The following POM121L12 variants were observed in gnomAD, a reference collection of about 807,000 sequenced individuals.
POM121L12 encodes POM121 transmembrane nucleoporin like 12, also known as POM121-like protein 12.
For missense variants in POM121L12, 553 were observed against 409.2 expected (o/e 1.35, Z -3.03); for synonymous variants, 251 against 179.2 (o/e 1.40, Z -3.20).
At position 53,035,787 on chromosome 7, in the gene POM121L12, C is replaced by G. The variant is rs199966859; in HGVS notation, c.116C>G (p.Thr39Arg). The G allele has an allele frequency of 8.1e-6, 13 of 1,613,696 alleles. No individual in the cohort carries two copies. The highest frequency in any genetic ancestry group is 2.2e-5 in the East Asian group (1 of 44,828). ...GCTCCCATGAGCAGGTCACCCAGCA[C>G]GCCCCAGACCACGCCATCTCCCCAG... ...LAAPMSRSPS[T>R]PQTTPSPQGR... Residue 39 changes from threonine to arginine, a missense_variant, in exon 1 of 1, where the codon ACG (threonine) becomes AGG (arginine). Coordinates refer to ENST00000408890, the MANE Select transcript of POM121L12 (RefSeq NM_182595.4).
chr7:53,036,840 T>C lies in POM121L12; in HGVS notation c.*278T>C, dbSNP rs1787572714. Reference sequence around the variant, plus strand: ...AAAGAGGCATTTCGGGAAGGCTTGCTTTTTCTCCATGTCTCCCAGTTTGTA... The same window carrying C: ...AAAGAGGCATTTCGGGAAGGCTTGCCTTTTCTCCATGTCTCCCAGTTTGTA... On this transcript the variant is annotated 3_prime_UTR_variant, in exon 1 of 1. Coordinates refer to ENST00000408890, the MANE Select transcript of POM121L12 (RefSeq NM_182595.4). 1 of 439,834 alleles carries C rather than the reference T, an allele frequency of 2.3e-6. No individual in the cohort carries two copies. The highest frequency in any genetic ancestry group is 2.0e-5 in the African/African-American group (1 of 50,598). 27.2% of individuals were successfully genotyped at this position (439,834 alleles called of 1,614,324 possible).
In POM121L12 at chr7:53,036,516, C is replaced by T. The variant is rs752224659; in HGVS notation, c.845C>T (p.Ser282Phe). Reference sequence around the variant, plus strand: ...TCCTGCGGCAGCTGCAGTAGGGTCTCCTTCGCCCTCGAGGTCACCCAGTCT... The same window carrying T: ...TCCTGCGGCAGCTGCAGTAGGGTCTTCTTCGCCCTCGAGGTCACCCAGTCT... ...TPSCGSCSRV[S>F]FALEVTQSAG... Residue 282 changes from serine (S) to phenylalanine (F), a missense_variant, in exon 1 of 1, where the codon TCC (serine) becomes TTC (phenylalanine). Transcript: ENST00000408890. 3 of 1,613,602 alleles carry T rather than the reference C, an allele frequency of 1.9e-6. No homozygotes were observed. The highest frequency in any genetic ancestry group is 2.5e-6 in the Non-Finnish European group (3 of 1,179,898).
In POM121L12 at chr7:53,035,922, A is replaced by G; in HGVS notation, c.251A>G (p.Gln84Arg). ...CACCTCATCGAGGTGCGGCCCACCC[A>G]GGACCCCGCCAAGCCGCAGCGGGTG... ...STHLIEVRPT[Q>R]DPAKPQRVVS... Residue 84 changes from glutamine (Q) to arginine (R), a missense_variant, in exon 1 of 1, where the codon CAG becomes CGG. Gln to Arg is a conservative substitution (Grantham distance 43). Transcript: ENST00000408890. 1 of 1,612,628 alleles carries G rather than the reference A, an allele frequency of 6.2e-7. No individual in the cohort carries two copies. Among genetic ancestry groups the G allele is most frequent in the Non-Finnish European group, 8.5e-7 (1 of 1,179,634 alleles).
chr7:53,036,346 G>T lies in POM121L12; in HGVS notation c.675G>T (p.Ala225=), dbSNP rs114283332. 25 of 1,613,964 alleles carry T rather than the reference G, an allele frequency of 1.5e-5. No individual in the cohort carries two copies. Among genetic ancestry groups the T allele is most frequent in the Non-Finnish European group, 2.0e-5 (24 of 1,179,996 alleles). ...SAFKPLSKNG[A]VASFVPRPGP... Reference sequence around the variant, plus strand: ...TCAAGCCCCTGAGCAAAAATGGAGCGGTTGCTTCCTTCGTGCCCAGGCCAG... The same window carrying T: ...TCAAGCCCCTGAGCAAAAATGGAGCTGTTGCTTCCTTCGTGCCCAGGCCAG... The change falls in exon 1 of 1, where the codon GCG becomes GCT. Residue 225 remains alanine (A), a synonymous_variant. Transcript: ENST00000408890.
In POM121L12 at chr7:53,035,661, G is replaced by GT. The variant is rs772797413; in HGVS notation, c.-10dup. On this transcript the variant is annotated 5_prime_UTR_variant, in exon 1 of 1. Coordinates refer to ENST00000408890, the MANE Select transcript of POM121L12 (RefSeq NM_182595.4). ...CCTTCCAAGCGCCCAGAGGCCAACG[G>GT]TCCCCCAGCCATGGGCGCTGCAGCT... 50 of 1,548,964 alleles carry GT rather than the reference G, an allele frequency of 3.2e-5. No individual in the cohort carries two copies. The highest frequency in any genetic ancestry group is 4.2e-5 in the Non-Finnish European group (48 of 1,146,178).
chr7:53,036,248 G>T lies in POM121L12; in HGVS notation c.577G>T (p.Asp193Tyr). ...SQCPKGSARF[D>Y]GPLWFEVSDS... is the part of the protein sequence containing the mutation. ...GTGCCCCAAGGGAAGCGCTAGGTTC[G>T]ACGGGCCGTTGTGGTTCGAGGTCTC... The change falls in exon 1 of 1, where the codon GAC becomes TAC. Residue 193 changes from aspartate (D) to tyrosine (Y), a missense_variant. Asp to Tyr is a radical substitution (Grantham distance 160). Transcript: ENST00000408890. 2 of 1,613,970 alleles carry T rather than the reference G, an allele frequency of 1.2e-6. No homozygotes were observed. The highest frequency in any genetic ancestry group is 2.2e-5 in the South Asian group (2 of 91,086).
chr7:53,036,866 T>G lies in POM121L12; in HGVS notation c.*304T>G, dbSNP rs17135489. On this transcript the variant is annotated 3_prime_UTR_variant, in exon 1 of 1. Coordinates refer to ENST00000408890, the MANE Select transcript of POM121L12 (RefSeq NM_182595.4). ...TTTTCTCCATGTCTCCCAGTTTGTA[T>G]AGTTAAATTGTCCAGTTGTATAGTT... 2.6e-6 allele frequency: 1 copy of G among 386,146 alleles called. No individual in the cohort carries two copies. The highest frequency in any genetic ancestry group is 4.8e-6 in the Non-Finnish European group (1 of 207,272). The allele number at this position is 386,146 out of a possible 1,614,324, so 23.9% of individuals were successfully genotyped here. A position where few individuals can be genotyped will look rare whatever the true frequency, so the allele number is the denominator to read the frequency against.
Position 53,036,610 on chromosome 7 carries a change from T to C in POM121L12, c.*48T>C. 6.5e-7 allele frequency: 1 copy of C among 1,538,270 alleles called. No homozygotes were observed. Among genetic ancestry groups the C allele is most frequent in the South Asian group, 1.3e-5 (1 of 79,982 alleles). On this transcript the variant is annotated 3_prime_UTR_variant, in exon 1 of 1. Coordinates refer to ENST00000408890, the MANE Select transcript of POM121L12 (RefSeq NM_182595.4). ...CTCCGGAGACACAAGCCCACGTATC[T>C]ACTTTCACTTGCTCATCCTTGCTCT...
In POM121L12 at chr7:53,036,139, G is replaced by T; in HGVS notation, c.468G>T (p.Gln156His). The T allele has an allele frequency of 6.2e-7, 1 of 1,611,194 alleles. No homozygotes were observed. The highest frequency in any genetic ancestry group is 8.5e-7 in the Non-Finnish European group (1 of 1,179,564). The part of the protein sequence containing the change: ...RQESPWRSPG[Q>H]RARPAGRPAA... ...AGAGCCCCTGGAGATCCCCTGGACA[G>T]AGAGCCCGCCCCGCAGGCCGCCCCG... is the stretch of plus-strand genomic sequence containing the variant. Residue 156 changes from glutamine (Q) to histidine (H), a missense_variant, in exon 1 of 1, where the codon CAG (glutamine) becomes CAT (histidine). By Grantham distance (24) the Gln-to-His change is conservative. Transcript: ENST00000408890.
At position 53,035,824 on chromosome 7, in the gene POM121L12, T is replaced by A. The variant is rs748174179; in HGVS notation, c.153T>A (p.Ser51Arg). ...QTTPSPQGRQ[S>R]PWPLRSLTQS... The stretch of plus-strand genomic sequence containing the variant: ...CGCCATCTCCCCAGGGTCGCCAGAG[T>A]CCCTGGCCCCTGAGGTCCCTGACTC... The change falls in exon 1 of 1, where the codon AGT (serine) becomes AGA (arginine). Residue 51 changes from serine (S) to arginine (R), a missense_variant. Physicochemically the swap from Ser to Arg is moderately radical, Grantham distance 110 (BLOSUM62 -1). Transcript: ENST00000408890. 5 of 1,612,980 alleles carry A rather than the reference T, an allele frequency of 3.1e-6. No individual in the cohort carries two copies. The Admixed American group carries it at 5.0e-5, about 16-fold the overall frequency.
In POM121L12 at chr7:53,036,787, C is replaced by T. The variant is rs1372656860; in HGVS notation, c.*225C>T. 3.8e-6 allele frequency: 2 copies of T among 522,330 alleles called. No individual in the cohort carries two copies. The highest frequency in any genetic ancestry group is 3.8e-5 in the South Asian group (1 of 26,172). The allele number at this position is 522,330 out of a possible 1,614,324, so 32.4% of individuals were successfully genotyped here. ...CCTTCGCCCTGCTGGCCCTCTCCTC[C>T]CTGCCCTTCTTCCTGCCCTTCCTCT... On this transcript the variant is annotated 3_prime_UTR_variant, in exon 1 of 1. Coordinates refer to ENST00000408890, the MANE Select transcript of POM121L12 (RefSeq NM_182595.4).
In POM121L12 at chr7:53,036,516, C is replaced by G; in HGVS notation, c.845C>G (p.Ser282Cys). The part of the protein sequence containing the change: ...TPSCGSCSRV[S>C]FALEVTQSAG... ...TCCTGCGGCAGCTGCAGTAGGGTCTCCTTCGCCCTCGAGGTCACCCAGTCT... is the reference window on the plus strand; with the variant it reads ...TCCTGCGGCAGCTGCAGTAGGGTCTGCTTCGCCCTCGAGGTCACCCAGTCT... The change falls in exon 1 of 1, where the codon TCC becomes TGC. Residue 282 changes from serine to cysteine, a missense_variant. Coordinates refer to ENST00000408890, the MANE Select transcript of POM121L12 (RefSeq NM_182595.4). 1 of 1,613,720 alleles carries G rather than the reference C, an allele frequency of 6.2e-7. No homozygotes were observed.
chr7:53,036,662 G>A lies in POM121L12; in HGVS notation c.*100G>A, dbSNP rs1422151135. ...CCTCAACGTGGGGCCCTGACACCAC[G>A]TTATCAAACATGCAGCCCCCACACC... On this transcript the variant is annotated 3_prime_UTR_variant, in exon 1 of 1. Coordinates refer to ENST00000408890, the MANE Select transcript of POM121L12 (RefSeq NM_182595.4). The A allele has an allele frequency of 5.3e-6, 7 of 1,321,250 alleles. No homozygotes were observed. Among genetic ancestry groups the A allele is most frequent in the East Asian group, 2.3e-5 (1 of 42,778 alleles). 81.8% of individuals were successfully genotyped at this position (1,321,250 alleles called of 1,614,324 possible).
At position 53,035,682 on chromosome 7, in the gene POM121L12, C is replaced by A. The variant is rs754080023; in HGVS notation, c.11C>A (p.Ala4Glu). Residue 4 changes from alanine (A) to glutamate (E), a missense_variant, in exon 1 of 1, where the codon GCA becomes GAA. By Grantham distance (107) the Ala-to-Glu change is moderately radical (BLOSUM62 -1). Transcript: ENST00000408890. MGA[A>E]APAESADLGN... is the part of the protein sequence containing the mutation. ...AACGGTCCCCCAGCCATGGGCGCTGCAGCTCCGGCCGAGTCCGCAGACCTC... is the reference window on the plus strand; with the variant it reads ...AACGGTCCCCCAGCCATGGGCGCTGAAGCTCCGGCCGAGTCCGCAGACCTC... 3 of 1,581,278 alleles carry A rather than the reference C, an allele frequency of 1.9e-6. No individual in the cohort carries two copies. The highest frequency in any genetic ancestry group is 1.7e-6 in the Non-Finnish European group (2 of 1,163,934).
rs1430688563 is a variant in POM121L12, at chr7:53,035,645, C to A, written c.-27C>A. On this transcript the variant is annotated 5_prime_UTR_variant, in exon 1 of 1. Transcript: ENST00000408890. ...GCCCATGTCCTTCGTGCCTTCCAAGCGCCCAGAGGCCAACGGTCCCCCAGC... is the reference window on the plus strand; with the variant it reads ...GCCCATGTCCTTCGTGCCTTCCAAGAGCCCAGAGGCCAACGGTCCCCCAGC... 3.3e-6 allele frequency: 5 copies of A among 1,516,246 alleles called. No homozygotes were observed. The highest frequency in any genetic ancestry group is 1.3e-5 in the South Asian group (1 of 79,930). 93.9% of individuals were successfully genotyped at this position (1,516,246 alleles called of 1,614,324 possible).
rs1481514948 is a variant in POM121L12 at position 53,036,686 on chromosome 7, C to A, written c.*124C>A. On this transcript the variant is annotated 3_prime_UTR_variant, in exon 1 of 1. Coordinates refer to ENST00000408890, the MANE Select transcript of POM121L12 (RefSeq NM_182595.4). The stretch of plus-strand genomic sequence containing the variant: ...CGTTATCAAACATGCAGCCCCCACA[C>A]CCCTCGTCTGCCCGCCCCCAGATCT... 1.9e-6 allele frequency: 2 copies of A among 1,074,704 alleles called. No homozygotes were observed. The highest frequency in any genetic ancestry group is 2.7e-6 in the Non-Finnish European group (2 of 747,920). 66.6% of individuals were successfully genotyped at this position (1,074,704 alleles called of 1,614,324 possible). A position where few individuals can be genotyped will look rare whatever the true frequency, so the allele number is the denominator to read the frequency against.
chr7:53,035,982 G>A lies in POM121L12; in HGVS notation c.311G>A (p.Gly104Glu). Residue 104 changes from glycine (G) to glutamate (E), a missense_variant, in exon 1 of 1, where the codon GGG becomes GAG. Gly to Glu is a moderately conservative substitution (Grantham distance 98). Coordinates refer to ENST00000408890, the MANE Select transcript of POM121L12 (RefSeq NM_182595.4). ...GGCTGGAGGCGCCCTGCCCTTCCCG[G>A]GGAGACCGCTCTGGGGCGAGACCTC... Reference protein sequence around the residue: ...SEGWRRPALPGETALGRDLSC... With the variant: ...SEGWRRPALPEETALGRDLSC... The A allele has an allele frequency of 1.2e-6, 2 of 1,612,738 alleles. No homozygotes were observed. Among genetic ancestry groups the A allele is most frequent in the African/African-American group, 2.7e-5 (2 of 75,028 alleles).
chr7:53,035,725 G>A lies in POM121L12; in HGVS notation c.54G>A (p.Ala18=), dbSNP rs916659958. The A allele has an allele frequency of 1.1e-5, 17 of 1,611,570 alleles. No individual in the cohort carries two copies. In the Middle Eastern group the frequency reaches 4.9e-4, roughly 47 times the overall value. The change falls in exon 1 of 1, where the codon GCG becomes GCA. Residue 18 remains alanine (A), a synonymous_variant. Coordinates refer to ENST00000408890, the MANE Select transcript of POM121L12 (RefSeq NM_182595.4). ...ESADLGNFWK[A]GEPLLQGPDA... ...CAGACCTCGGGAACTTCTGGAAGGCGGGAGAACCCCTGCTGCAAGGCCCCG... is the reference window on the plus strand; with the variant it reads ...CAGACCTCGGGAACTTCTGGAAGGCAGGAGAACCCCTGCTGCAAGGCCCCG...
At position 53,036,253 on chromosome 7, in the gene POM121L12, G is replaced by C. The variant is rs12113170; in HGVS notation, c.582G>C (p.Gly194=). The C allele has an allele frequency of 0.48, 773,674 of 1,613,702 alleles. 191,555 individuals are homozygous for C. Among genetic ancestry groups the C allele is most frequent in the Non-Finnish European group, 0.51 (605,696 of 1,179,886 alleles). Residue 194 remains glycine, a synonymous_variant, in exon 1 of 1, where the codon GGG becomes GGC. Coordinates refer to ENST00000408890, the MANE Select transcript of POM121L12 (RefSeq NM_182595.4). ...QCPKGSARFD[G]PLWFEVSDSK... is the part of the protein sequence containing the mutation. The stretch of plus-strand genomic sequence containing the variant: ...CCAAGGGAAGCGCTAGGTTCGACGG[G>C]CCGTTGTGGTTCGAGGTCTCAGACA...
Sources: allele counts gnomAD v4.1 joint callset, GRCh38; gene constraint gnomAD v4.1.1; transcripts MANE v1.5; gene names NCBI Gene and HGNC (gene_info 2026-07-23, HGNC 2026-07-21).